FKBP5: variants seen among roughly 807,000 people sequenced by gnomAD.
FKBP5 encodes FKBP prolyl isomerase 5.
Under a neutral mutation model 50.5 loss-of-function variants are expected in FKBP5, and 23 were observed. The ratio of observed to expected loss-of-function variants is 0.46; its 90% CI spans 0.33 to 0.65. The LOEUF (loss-of-function observed/expected upper bound fraction) is 0.65, where lower values mean the gene tolerates loss of function less well. Among genes scored for constraint, FKBP5 ranks in the 30% least tolerant of loss-of-function variants. The pLI, the probability that FKBP5 is intolerant of heterozygous loss-of-function variation, is 0.02. For missense variants in FKBP5, 411 were observed against 553.1 expected (o/e 0.74, Z 2.58); for synonymous variants, 176 against 190.6 (o/e 0.92, Z 0.63).
At chr6:35,701,602 C>T (rs1183662092) in intron 2 of FKBP5, among the ~76,000 whole-genome samples, 1 of 151,772 alleles carries the variant, frequency 6.6e-6, no homozygotes, top group Non-Finnish European at 1.5e-5. Flanking sequence ...TGCAGTGGTG[C>T]AATCTCAGCT....
At chr6:35,703,917 A>G (rs76130096) in intron 2 of FKBP5, among the ~76,000 whole-genome samples, 2,572 of 152,302 alleles carry the variant, frequency 0.017, 63 homozygotes, top group African/African-American at 0.058. Context: ...TTAAGTTCTC[A>G]GCATCAGTGT....
intron 8 of FKBP5, chr6:35,586,832 A>C (rs1762614554): frequency 7.0e-7 from 1 of 1,437,854 alleles, no homozygotes; most frequent in Non-Finnish European, 9.1e-7. Flanking sequence ...AGAATGTGTA[A>C]AAGAGGAATC....
At chr6:35,581,665 A>C in intron 8 of FKBP5, 1 of 985,476 alleles carries the variant, frequency 1.0e-6, no homozygotes, top group Non-Finnish European at 1.2e-6. Context: ...ATTTTAAGGT[A>C]AATGAAAGCA....
At chr6:35,643,917 G>A (rs1417641465) in intron 1 of FKBP5, among the ~76,000 whole-genome samples, 1 of 152,184 alleles carries the variant, frequency 6.6e-6, no homozygotes, top group African/African-American at 2.4e-5. Context: ...CTACCTTTGA[G>A]AATGGTAAGA....
At chr6:35,664,583 T>A (rs1194530324) in intron 1 of FKBP5, 1 of 154,180 alleles carries the variant, frequency 6.5e-6, no homozygotes, top group Non-Finnish European at 1.5e-5. Context: ...TCCCCACTCC[T>A]GAAATTATTA....
intron 3 of FKBP5, among the ~76,000 whole-genome samples, chr6:35,629,276 T>C (rs1764084644): frequency 6.6e-6 from 1 of 151,984 alleles, no homozygotes; most frequent in African/African-American, 2.4e-5. Context: ...TGGCTAATTT[T>C]TGTATTTTTT....
intron 2 of FKBP5, among the ~76,000 whole-genome samples, chr6:35,719,865 G>C (rs1766579295): frequency 6.6e-6 from 1 of 152,212 alleles, no homozygotes; most frequent in South Asian, 2.1e-4. Flanking sequence ...TCTGGGAGGG[G>C]GGTTTCCGTA....
rs184996526 is a variant in FKBP5 at position 35,710,457 on chromosome 6, A to T, written c.-20+9871T>A. The stretch of plus-strand genomic sequence containing the variant: ...ACTCCAACCTGCGCTACAGAGTGAG[A>T]TCTTGTCTCAAAAAAAAAAAGGTGT... On this transcript the variant is annotated intron_variant, in intron 2 of 11. Coordinates refer to the FKBP5 transcript ENST00000536438. Among the ~76,000 whole-genome samples the T allele has an allele frequency of 5.0e-4, 76 of 151,932 alleles. 5 individuals are homozygous for T. Among genetic ancestry groups the T allele is most frequent in the Admixed American group, 4.5e-3 (68 of 15,254 alleles).
At chr6:35,633,075 G>C (rs1174528116) in intron 3 of FKBP5, among the ~76,000 whole-genome samples, 1 of 151,994 alleles carries the variant, frequency 6.6e-6, no homozygotes, top group African/African-American at 2.4e-5. Context: ...AAATACTGAA[G>C]TCATACTAGA....
chr6:35,692,935 TTC>T (rs1400314458), upstream of FKBP5, among the ~76,000 whole-genome samples: 1 of 151,960 alleles, frequency 6.6e-6, no homozygotes, highest in Non-Finnish European at 1.5e-5. Flanking sequence ...GTCCTTTTTC[TTC>T]TTTCTTTCTG....
chr6:35,678,980 G>A lies in FKBP5; in HGVS notation c.-20+9824C>T, dbSNP rs573629121. Among the ~76,000 whole-genome samples, 14 of 152,306 alleles carry A rather than the reference G, an allele frequency of 9.2e-5. No individual in the cohort carries two copies. The South Asian group carries it at 2.9e-3, about 32-fold the overall frequency. On this transcript the variant is annotated intron_variant, in intron 1 of 10. Coordinates refer to ENST00000357266, the MANE Select transcript of FKBP5 (RefSeq NM_004117.4). ...TACCTGTAATCCCAGCTACTGTGGA[G>A]GCTGAGGTGGGAGGACTGTTTGTAC...
chr6:35,715,216 T>G (rs1036762975), intron 2 of FKBP5, among the ~76,000 whole-genome samples: 1 of 152,212 alleles, frequency 6.6e-6, no homozygotes, highest in African/African-American at 2.4e-5. Flanking sequence ...TAAATGTTAA[T>G]GAGTCCATTC....
At chr6:35,676,300 A>G (rs1171398424) in intron 1 of FKBP5, among the ~76,000 whole-genome samples, 1 of 152,214 alleles carries the variant, frequency 6.6e-6, no homozygotes, top group Non-Finnish European at 1.5e-5. Context: ...GGAAACAGAA[A>G]AGTATGTATG....
chr6:35,648,358 T>C (rs755944799), intron 1 of FKBP5, among the ~76,000 whole-genome samples: 5 of 152,070 alleles, frequency 3.3e-5, no homozygotes, highest in African/African-American at 4.8e-5. Flanking sequence ...CAGCCTTGAA[T>C]TCCTGGGCTC....
intron 2 of FKBP5, among the ~76,000 whole-genome samples, chr6:35,713,415 A>G (rs930350641): frequency 1.3e-5 from 2 of 152,232 alleles, no homozygotes; most frequent in African/African-American, 4.8e-5. Flanking sequence ...CTGGTGGTCT[A>G]GATGGTCTAA....
At chr6:35,642,132 A>G (rs532195962) in intron 2 of FKBP5, among the ~76,000 whole-genome samples, 7 of 152,342 alleles carry the variant, frequency 4.6e-5, no homozygotes, top group Non-Finnish European at 8.8e-5. Context: ...AGGATACATT[A>G]AAATAGTAAC....
chr6:35,590,099 A>T (rs1762766794), intron 7 of FKBP5, among the ~76,000 whole-genome samples: 1 of 152,178 alleles, frequency 6.6e-6, no homozygotes, highest in African/African-American at 2.4e-5. Context: ...GGAGTTTGAG[A>T]CCAGCTGGGG....
chr6:35,675,408 A>G (rs1378913779), intron 1 of FKBP5, among the ~76,000 whole-genome samples: 6 of 152,216 alleles, frequency 3.9e-5, no homozygotes, highest in Non-Finnish European at 8.8e-5. Flanking sequence ...CGTCTCTACT[A>G]AAAATGCAAA....
chr6:35,619,528 A>G (rs77299106), intron 4 of FKBP5, among the ~76,000 whole-genome samples: 4,338 of 152,036 alleles, frequency 0.029, 191 homozygotes, highest in African/African-American at 0.098. Flanking sequence ...GTGTAGAACT[A>G]TTTTGTTTGA....
Sources: gnomAD v4.1 joint callset for allele counts (sites outside exome capture counted in the v4.1 genomes callset) on GRCh38, gnomAD v4.1.1 for gene constraint, MANE v1.5 for transcripts, NCBI Gene and HGNC (gene_info 2026-07-23, HGNC 2026-07-21) for gene names.